PTPRG: variants seen among roughly 807,000 people sequenced by gnomAD.
PTPRG encodes receptor-type tyrosine-protein phosphatase gamma.
Under a neutral mutation model 165.3 loss-of-function variants are expected in PTPRG, and 102 were observed. The observed-to-expected ratio is 0.62, with a 90% CI of 0.53 to 0.73. The LOEUF is 0.73. Among genes scored for constraint, PTPRG ranks in the 30% least tolerant of loss-of-function variants. The probability of loss-of-function intolerance (pLI) is 0.00; values close to 1 mark genes in which losing one functional copy is unlikely to be tolerated. For synonymous variants in PTPRG, 675 were observed against 669.5 expected (o/e 1.01, Z -0.13); for missense variants, 1,866 against 1,861.4 (o/e 1.00, Z -0.05).
chr3:62,007,762 T>C lies in PTPRG; in HGVS notation c.519+4265T>C, dbSNP rs551099119. On this transcript the variant is annotated intron_variant, in intron 4 of 29. Transcript: ENST00000474889. ...GGGATGGAAGCTTTCAATGGAGACA[T>C]GGATACTTATTAGACGGAAAAGATG... 3.9e-5 allele frequency among the ~76,000 whole-genome samples: 6 copies of C among 152,324 alleles called. No individual in the cohort carries two copies. In the East Asian group the frequency reaches 7.7e-4, roughly 20 times the overall value.
chr3:61,636,935 C>T (rs1701926283), intron 1 of PTPRG, among the ~76,000 whole-genome samples: 1 of 152,096 alleles, frequency 6.6e-6, no homozygotes, highest in South Asian at 2.1e-4. Flanking sequence ...TTTGATTGAT[C>T]ATATGATTTG....
At chr3:61,775,826 G>A (rs1266246461) in intron 2 of PTPRG, among the ~76,000 whole-genome samples, 2 of 150,194 alleles carry the variant, frequency 1.3e-5, no homozygotes, top group Non-Finnish European at 2.9e-5. Context: ...CTATCGCAAG[G>A]ACAAAAAACC....
chr3:62,212,722 G>A lies in PTPRG; in HGVS notation c.2156-6129G>A, dbSNP rs116857864. On this transcript the variant is annotated intron_variant, in intron 12 of 29. Coordinates refer to ENST00000474889, the MANE Select transcript of PTPRG (RefSeq NM_002841.4). ...GCACCCTGTCTGAAGGGAGTGTGCC[G>A]CTTGGTTCCAACTGATGTGTGCCAC... 2.8e-4 allele frequency among the ~76,000 whole-genome samples: 42 copies of A among 152,282 alleles called. No individual in the cohort carries two copies. The East Asian group carries it at 6.4e-3, about 23-fold the overall frequency.
chr3:62,194,498 A>C (rs572711358), intron 9 of PTPRG, among the ~76,000 whole-genome samples: 2 of 152,294 alleles, frequency 1.3e-5, no homozygotes, highest in African/African-American at 4.8e-5. Context: ...GCGTAATAAA[A>C]ATACAGCGAG....
intron 4 of PTPRG, among the ~76,000 whole-genome samples, chr3:62,063,639 C>T (rs1365639753): frequency 6.6e-6 from 1 of 152,100 alleles, no homozygotes; most frequent in Non-Finnish European, 1.5e-5. Flanking sequence ...CTGCATAAAT[C>T]TGAAACAGTA....
chr3:61,833,059 GTAT>G (rs992175569), intron 2 of PTPRG, among the ~76,000 whole-genome samples: 8 of 140,482 alleles, frequency 5.7e-5, no homozygotes, highest in African/African-American at 1.8e-4. Context: ...TGTCTGAGTA[GTAT>G]TCCATTGTGT....
intron 4 of PTPRG, among the ~76,000 whole-genome samples, chr3:62,049,139 C>T (rs944499134): frequency 4.6e-5 from 7 of 151,912 alleles, no homozygotes; most frequent in African/African-American, 1.5e-4. Flanking sequence ...AAACAGAAGC[C>T]GGGGAGAAAC....
At chr3:61,643,653 G>A (rs780136352) in intron 1 of PTPRG, among the ~76,000 whole-genome samples, 4 of 151,994 alleles carry the variant, frequency 2.6e-5, no homozygotes, top group Non-Finnish European at 5.9e-5. Context: ...GGTGGCGCAC[G>A]CCTGTAATCC....
intron 1 of PTPRG, among the ~76,000 whole-genome samples, chr3:61,715,938 G>A (rs974316422): frequency 6.6e-6 from 1 of 151,780 alleles, no homozygotes; most frequent in African/African-American, 2.4e-5. Context: ...GGATAGATAA[G>A]CAGAGTCAGT....
intron 2 of PTPRG, among the ~76,000 whole-genome samples, chr3:61,915,363 T>G (rs1009055880): frequency 6.6e-6 from 1 of 152,240 alleles, no homozygotes; most frequent in African/African-American, 2.4e-5. Context: ...TCCCCCTATT[T>G]TCCTGTTCTG....
intron 1 of PTPRG, among the ~76,000 whole-genome samples, chr3:61,712,288 G>A (rs1014420035): frequency 4.6e-5 from 7 of 151,976 alleles, no homozygotes; most frequent in Non-Finnish European, 1.0e-4. Context: ...AAAAATATAT[G>A]AGACATTTAA....
intron 1 of PTPRG, among the ~76,000 whole-genome samples, chr3:61,728,596 TAAAA>T (rs1364956913): frequency 1.3e-5 from 2 of 151,738 alleles, no homozygotes; most frequent in African/African-American, 4.8e-5. Context: ...AAAAACAAGT[TAAAA>T]AAGAAAAAGA....
Position 61,952,511 on chromosome 3 carries a change from T to C in PTPRG, c.191-37114T>C, listed in dbSNP as rs975250691. ...CCAGGCAACTTCATAATGGCTAAAA[T>C]TACCATCTATTCCAAGAGCATGCTC... On this transcript the variant is annotated intron_variant, in intron 2 of 29. Coordinates refer to ENST00000474889, the MANE Select transcript of PTPRG (RefSeq NM_002841.4). Among the ~76,000 whole-genome samples, 4 of 152,274 alleles carry C rather than the reference T, an allele frequency of 2.6e-5. No homozygotes were observed. In the East Asian group the frequency reaches 7.7e-4, roughly 29 times the overall value.
intron 1 of PTPRG, among the ~76,000 whole-genome samples, chr3:61,699,067 GT>G (rs1478251188): frequency 1.3e-4 from 19 of 151,992 alleles, no homozygotes; most frequent in African/African-American, 4.4e-4. Flanking sequence ...TACACCTAAT[GT>G]TAAATCACGA....
At chr3:62,042,669 C>G (rs574407859) in intron 4 of PTPRG, among the ~76,000 whole-genome samples, 3 of 152,300 alleles carry the variant, frequency 2.0e-5, no homozygotes, top group African/African-American at 7.2e-5. Flanking sequence ...AGTTCCTCTA[C>G]TAGGTGTTCC....
At chr3:61,791,785 G>A (rs993714221) in intron 2 of PTPRG, among the ~76,000 whole-genome samples, 6 of 152,196 alleles carry the variant, frequency 3.9e-5, no homozygotes, top group African/African-American at 1.4e-4. Context: ...ATCAGGCCCG[G>A]CCTGTTTCTA....
chr3:62,068,780 T>G (rs1287177874), intron 4 of PTPRG, among the ~76,000 whole-genome samples: 1 of 152,178 alleles, frequency 6.6e-6, no homozygotes, highest in Admixed American at 6.5e-5. Context: ...ATAGCCCTAG[T>G]GTGCACCTTA....
At chr3:62,267,198 T>G (rs1701906543) in intron 17 of PTPRG, among the ~76,000 whole-genome samples, 1 of 152,094 alleles carries the variant, frequency 6.6e-6, no homozygotes. Flanking sequence ...GTAATAGTTT[T>G]ACATGAGTTT....
chr3:62,230,533 A>G (rs1464508092), intron 13 of PTPRG, among the ~76,000 whole-genome samples: 2 of 152,178 alleles, frequency 1.3e-5, no homozygotes, highest in African/African-American at 4.8e-5. Flanking sequence ...AATACTTTCA[A>G]GTGTTCTTGT....
Sources: gnomAD v4.1 joint callset for allele counts (sites outside exome capture counted in the v4.1 genomes callset) on GRCh38, gnomAD v4.1.1 for gene constraint, MANE v1.5 for transcripts, NCBI Gene and HGNC (gene_info 2026-07-23, HGNC 2026-07-21) for gene names.